Variants in GRIN2B observed in about 807,000 individuals in gnomAD.
GRIN2B encodes glutamate receptor ionotropic, NMDA 2B.
In GRIN2B, 5 loss-of-function variants were observed where a neutral mutation model predicts 114.5. The ratio of observed to expected loss-of-function variants is 0.04; its 90% CI spans 0.02 to 0.09. The LOEUF is 0.09. Ranked by LOEUF, GRIN2B falls within the 10% of genes least tolerant of loss-of-function variation. The probability of loss-of-function intolerance (pLI) is 1.00; values close to 1 mark genes in which losing one functional copy is unlikely to be tolerated. For synonymous variants in GRIN2B, 787 were observed against 745.1 expected (o/e 1.06, Z -0.92); for missense variants, 1,108 against 1,943.5 (o/e 0.57, Z 8.08).
At chr12:13,590,000 A>T (rs1437676809) in intron 10 of GRIN2B, among the ~76,000 whole-genome samples, 2 of 152,180 alleles carry the variant, frequency 1.3e-5, no homozygotes, top group Admixed American at 6.5e-5. Flanking sequence ...TGCTAAACAC[A>T]GTAGTCAAAA....
In GRIN2B at chr12:13,590,233, T is replaced by G. The variant is rs80248875; in HGVS notation, c.2011-18269A>C. 8.0e-3 allele frequency among the ~76,000 whole-genome samples: 1,217 copies of G among 152,174 alleles called. 3 individuals are homozygous for G. The highest frequency in any genetic ancestry group is 0.013 in the Non-Finnish European group (866 of 67,998). ...ACCTAGTTTTTAAATTTTTATTTAT[T>G]TATTTTATTTTAAGTTCTGGGATAC... On this transcript the variant is annotated intron_variant, in intron 10 of 13. Transcript: ENST00000609686.
Position 13,866,213 on chromosome 12 carries a change from A to C in GRIN2B, c.-5T>G, listed in dbSNP as rs1343511020. ...GCACTCCGCTCTGGGCTTCATCTTC[A>C]ACTCGTCGACTCCCTGCAAACACAA... On this transcript the variant is annotated 5_prime_UTR_variant, in exon 3 of 14. Transcript: ENST00000609686. 1 of 1,605,926 alleles carries C rather than the reference A, an allele frequency of 6.2e-7. No individual in the cohort carries two copies. Among genetic ancestry groups the C allele is most frequent in the South Asian group, 1.1e-5 (1 of 91,064 alleles).
At chr12:13,930,247 CTTA>C (rs1249459132) in intron 2 of GRIN2B, among the ~76,000 whole-genome samples, 1 of 152,024 alleles carries the variant, frequency 6.6e-6, no homozygotes, top group Admixed American at 6.6e-5. Flanking sequence ...TTAATAGAAT[CTTA>C]TTATAACCTT....
intron 3 of GRIN2B, among the ~76,000 whole-genome samples, chr12:13,810,373 C>A (rs188448659): frequency 6.6e-6 from 1 of 151,752 alleles, no homozygotes; most frequent in African/African-American, 2.4e-5. Context: ...TGTGTGTGCG[C>A]GCATTTGGTT....
intron 13 of GRIN2B, 80 bp downstream of exon 13, chr12:13,566,945 C>T: frequency 1.1e-6 from 1 of 948,334 alleles, no homozygotes; most frequent in South Asian, 1.3e-5. Flanking sequence ...AGATAGTGTC[C>T]TCTTGGTTCT....
At chr12:13,701,753 A>T (rs1950315248) in intron 4 of GRIN2B, among the ~76,000 whole-genome samples, 1 of 152,236 alleles carries the variant, frequency 6.6e-6, no homozygotes. Context: ...AACTGCTGTC[A>T]GTTCAGTTTG....
intron 4 of GRIN2B, among the ~76,000 whole-genome samples, chr12:13,694,524 G>A (rs374038052): frequency 7.9e-5 from 12 of 151,392 alleles, no homozygotes; most frequent in African/African-American, 2.9e-4. Flanking sequence ...AGGATCAGAA[G>A]GTGACTCATT....
At chr12:13,783,690 G>A (rs1448460141) in intron 3 of GRIN2B, among the ~76,000 whole-genome samples, 2 of 152,122 alleles carry the variant, frequency 1.3e-5, no homozygotes, top group Non-Finnish European at 2.9e-5. Flanking sequence ...ATAAAAGTAT[G>A]TTTCATTGTA....
At chr12:13,770,233 C>A (rs368023785) in intron 3 of GRIN2B, among the ~76,000 whole-genome samples, 1 of 152,228 alleles carries the variant, frequency 6.6e-6, no homozygotes, top group South Asian at 2.1e-4. Context: ...GATGAAAGAA[C>A]TGGCTCTGAC....
intron 4 of GRIN2B, among the ~76,000 whole-genome samples, chr12:13,727,940 T>C (rs1167052588): frequency 6.6e-6 from 1 of 152,226 alleles, no homozygotes; most frequent in African/African-American, 2.4e-5. Context: ...TGGGCATGGA[T>C]AGCATGCATC....
chr12:13,628,125 T>C (rs527737288), intron 5 of GRIN2B, among the ~76,000 whole-genome samples: 1 of 152,296 alleles, frequency 6.6e-6, no homozygotes, highest in East Asian at 1.9e-4. Flanking sequence ...AGGCATGTCA[T>C]AATAATGTCT....
At chr12:13,696,261 C>T (rs1950258000) in intron 4 of GRIN2B, among the ~76,000 whole-genome samples, 1 of 152,144 alleles carries the variant, frequency 6.6e-6, no homozygotes. Context: ...AACAGCATCC[C>T]ACAAGTAAAC....
At chr12:13,580,953 G>A (rs774408100) in intron 10 of GRIN2B, among the ~76,000 whole-genome samples, 63 of 152,190 alleles carry the variant, frequency 4.1e-4, no homozygotes, top group Non-Finnish European at 5.1e-4. Context: ...TTTTACTTAT[G>A]ATAATGCCTT....
At chr12:13,616,715 T>G (rs1170225678) in intron 5 of GRIN2B, 58 bp from the exon 6 acceptor site, 3 of 1,351,240 alleles carry the variant, frequency 2.2e-6, no homozygotes, top group African/African-American at 2.9e-5. Flanking sequence ...ACAAACAGCC[T>G]GTCCCAGTAT....
chr12:13,921,612 C>G (rs1866825575), intron 2 of GRIN2B, among the ~76,000 whole-genome samples: 2 of 152,018 alleles, frequency 1.3e-5, no homozygotes, highest in Non-Finnish European at 2.9e-5. Flanking sequence ...CTTGTGTTCC[C>G]TAAGAAGGGA....
Position 13,544,441 on chromosome 12 carries a change from C to T in GRIN2B, c.*18342G>A, listed in dbSNP as rs1401216256. On this transcript the variant is annotated 3_prime_UTR_variant, in exon 14 of 14. Coordinates refer to ENST00000609686, the MANE Select transcript of GRIN2B (RefSeq NM_000834.5). The stretch of plus-strand genomic sequence containing the variant: ...TCATTCTCTAGTTCCAGTATCATGG[C>T]TTCAAATACCAACCAAACGCATACA... 6.6e-6 allele frequency: 1 copy of T among 152,218 alleles called. No homozygotes were observed. Among genetic ancestry groups the T allele is most frequent in the East Asian group, 1.9e-4 (1 of 5,196 alleles). The allele number at this position is 152,218 out of a possible 1,614,324, so 9.4% of individuals were successfully genotyped here.
chr12:13,647,599 A>G (rs538941750), intron 5 of GRIN2B, among the ~76,000 whole-genome samples: 2 of 152,178 alleles, frequency 1.3e-5, no homozygotes, highest in African/African-American at 2.4e-5. Context: ...CTCCCTGGCC[A>G]TCGTGTTAAG....
chr12:13,582,293 T>C (rs1948863727), intron 10 of GRIN2B, among the ~76,000 whole-genome samples: 1 of 152,228 alleles, frequency 6.6e-6, no homozygotes. Flanking sequence ...GAGAGAATAT[T>C]GTTCAAATTC....
intron 2 of GRIN2B, among the ~76,000 whole-genome samples, chr12:13,978,182 T>G (rs1200349738): frequency 6.6e-6 from 1 of 152,228 alleles, no homozygotes; most frequent in Non-Finnish European, 1.5e-5. Flanking sequence ...ATGAAAGCAT[T>G]GCACATGGAG....
Sources: gnomAD v4.1 joint callset for allele counts (sites outside exome capture counted in the v4.1 genomes callset) on GRCh38, gnomAD v4.1.1 for gene constraint, MANE v1.5 for transcripts, NCBI Gene and HGNC (gene_info 2026-07-23, HGNC 2026-07-21) for gene names.